Variants in NOTCH2 observed in about 807,000 individuals in gnomAD.
The protein encoded by NOTCH2 is notch receptor 2.
In NOTCH2, 29 loss-of-function variants were observed where a neutral mutation model predicts 235.8. The observed-to-expected ratio is 0.12, with a 90% confidence interval of 0.09 to 0.17. The LOEUF (loss-of-function observed/expected upper bound fraction) is 0.17, where lower values mean the gene tolerates loss of function less well. Ranked by LOEUF, NOTCH2 falls within the 10% of genes least tolerant of loss-of-function variation. NOTCH2 has a pLI of 1.00. For synonymous variants in NOTCH2, 1,086 were observed against 1,141.5 expected (o/e 0.95, Z 0.98); for missense variants, 2,285 against 3,150.2 (o/e 0.73, Z 6.57).
At chr1:119,987,117 CT>C in intron 4 of NOTCH2, 35 bp from the exon 5 acceptor site, 1 of 1,612,554 alleles carries the variant, frequency 6.2e-7, no homozygotes, top group South Asian at 1.1e-5. Flanking sequence ...ATGATGAAAT[CT>C]CATACAGAAG....
intron 17 of NOTCH2, among the ~76,000 whole-genome samples, chr1:119,942,338 G>A (rs587717344): frequency 1.3e-5 from 2 of 152,164 alleles, no homozygotes; most frequent in South Asian, 2.1e-4. Flanking sequence ...GTCATGCCAC[G>A]GCACTCTACA....
rs1239252760 is a variant in NOTCH2 at position 119,997,973 on chromosome 1, C to A, written c.416-641G>T. 1.0e-3 allele frequency among the ~76,000 whole-genome samples: 122 copies of A among 117,424 alleles called. No homozygotes were observed. The East Asian group carries it at 0.019, about 18-fold the overall frequency. 77.0% of individuals were successfully genotyped at this position (117,424 alleles called of 152,430 possible). The stretch of plus-strand genomic sequence containing the variant: ...TGGGCGACACAGCAAGACTCTATTT[C>A]AAAAAAAAAAAAAAAAAAATCAACT... On this transcript the variant is annotated intron_variant, in intron 3 of 33. Transcript: ENST00000256646.
In NOTCH2 at chr1:119,940,755, A is replaced by G; in HGVS notation, c.2983T>C (p.Ser995Pro). The G allele has an allele frequency of 6.2e-7, 1 of 1,614,014 alleles. No homozygotes were observed. Among genetic ancestry groups the G allele is most frequent in the South Asian group, 1.1e-5 (1 of 91,076 alleles). Reference protein sequence around the residue: ...ENNINECTESSCFNGGTCVDG... With the variant: ...ENNINECTESPCFNGGTCVDG... ...ACACATGTGCCACCATTGAAACAGG[A>G]GCTAAGAAGCAAACAGAGCAACATC... The change falls in exon 19 of 34, where the codon TCC becomes CCC. Residue 995 changes from serine to proline, a missense_variant and splice_region_variant. Ser to Pro is a moderately conservative substitution (Grantham distance 74, BLOSUM62 -1). Around this residue, in one of 6 missense-constraint regions of NOTCH2, gnomAD observed 1,173 missense variants for 1,515.3 expected, o/e 0.77. Transcript: ENST00000256646.
At chr1:119,949,225 T>C (rs1553197434) in intron 15 of NOTCH2, 99 bp from the exon 16 acceptor site, 1 of 1,246,124 alleles carries the variant, frequency 8.0e-7, no homozygotes, top group African/African-American at 1.5e-5. Flanking sequence ...TCAAAAGTCC[T>C]GATTAAGAGG....
At chr1:119,951,848 T>C (rs1650486916) in intron 14 of NOTCH2, among the ~76,000 whole-genome samples, 1 of 152,218 alleles carries the variant, frequency 6.6e-6, no homozygotes, top group African/African-American at 2.4e-5. Flanking sequence ...GGGCATATAA[T>C]TTGGGATTTT....
chr1:120,000,146 C>T (rs1652690386), intron 3 of NOTCH2, among the ~76,000 whole-genome samples: 2 of 151,918 alleles, frequency 1.3e-5, no homozygotes, highest in African/African-American at 4.8e-5. Flanking sequence ...AGCTAGTAAG[C>T]TGACTGAGGT....
chr1:120,028,337 C>T (rs1653951183), intron 2 of NOTCH2, among the ~76,000 whole-genome samples: 1 of 139,948 alleles, frequency 7.1e-6, no homozygotes, highest in Non-Finnish European at 1.6e-5. Context: ...GCACCAAATG[C>T]CACAAAAAGA....
At chr1:119,931,004 G>A (rs782220852) in intron 22 of NOTCH2, among the ~76,000 whole-genome samples, 26 of 150,582 alleles carry the variant, frequency 1.7e-4, no homozygotes, top group Non-Finnish European at 2.9e-4. Context: ...TCGGGAGGCT[G>A]AGGCAGGAGA....
At chr1:119,937,551 A>C in intron 20 of NOTCH2, 85 bp from the exon 21 acceptor site, 1 of 1,247,812 alleles carries the variant, frequency 8.0e-7, no homozygotes, top group Non-Finnish European at 1.1e-6. Flanking sequence ...GTAAATCTAA[A>C]CTGGCTGACA....
chr1:119,963,741 T>G lies in NOTCH2; in HGVS notation c.1748A>C (p.Gln583Pro). 1 of 1,614,154 alleles carries G rather than the reference T, an allele frequency of 6.2e-7. No individual in the cohort carries two copies. The highest frequency in any genetic ancestry group is 8.5e-7 in the Non-Finnish European group (1 of 1,179,996). ...GTAGGAATCAATACCATCCTGACAC[T>G]GACCATGGTGGCAAGGATCGGGGTC... Reference protein sequence around the residue: ...NCDPDPCHHGQCQDGIDSYTC... With the variant: ...NCDPDPCHHGPCQDGIDSYTC... The change falls in exon 11 of 34, where the codon CAG becomes CCG. Residue 583 changes from glutamine to proline, a missense_variant. Around this residue, in one of 6 missense-constraint regions of NOTCH2, gnomAD observed 431 missense variants for 757.8 expected, o/e 0.57. Coordinates refer to ENST00000256646, the MANE Select transcript of NOTCH2 (RefSeq NM_024408.4).
Position 119,929,220 on chromosome 1 carries a change from A to G in NOTCH2, c.3656-8T>C, listed in dbSNP as rs1466379886. The G allele has an allele frequency of 3.7e-6, 6 of 1,606,410 alleles. No homozygotes were observed. Among genetic ancestry groups the G allele is most frequent in the Non-Finnish European group, 5.1e-6 (6 of 1,173,008 alleles). Reference sequence around the variant, plus strand: ...TCTCTTCACAGAGTAGGCCTGGAGGAAAGAGAAGAGGTACAGAATTATGAA... The same window carrying G: ...TCTCTTCACAGAGTAGGCCTGGAGGGAAGAGAAGAGGTACAGAATTATGAA... On this transcript the variant is annotated splice_polypyrimidine_tract_variant and splice_region_variant and intron_variant, in intron 22 of 33. Coordinates refer to ENST00000256646, the MANE Select transcript of NOTCH2 (RefSeq NM_024408.4).
intron 20 of NOTCH2, 30 bp downstream of exon 20, chr1:119,937,827 A>G: frequency 6.2e-7 from 1 of 1,613,616 alleles, no homozygotes; most frequent in Non-Finnish European, 8.5e-7. Context: ...ACTGCAGTGA[A>G]TGACCTGAGC....
intron 15 of NOTCH2, among the ~76,000 whole-genome samples, chr1:119,949,563 T>G (rs1323176839): frequency 1.3e-5 from 2 of 151,790 alleles, no homozygotes; most frequent in Non-Finnish European, 2.9e-5. Flanking sequence ...ATTTTTTATA[T>G]TTTTAGTAGA....
chr1:119,926,727 C>T, intron 23 of NOTCH2, 116 bp from the exon 24 acceptor site: 1 of 786,322 alleles, frequency 1.3e-6, no homozygotes, highest in Non-Finnish European at 2.2e-6. Flanking sequence ...TGAGAGAGTT[C>T]AGTTCTAGGC....
At chr1:119,941,490 C>T (rs781947517) in intron 18 of NOTCH2, 36 bp downstream of exon 18, 50 of 1,455,430 alleles carry the variant, frequency 3.4e-5, no homozygotes, top group East Asian at 4.5e-5. Context: ...CCCTTTCTCT[C>T]GTAAGATGCT....
rs1655679519 is a variant in NOTCH2, at chr1:120,069,482, G to A, written c.-76C>T. On this transcript the variant is annotated 5_prime_UTR_variant, in exon 1 of 34. Coordinates refer to ENST00000256646, the MANE Select transcript of NOTCH2 (RefSeq NM_024408.4). ...CACATGGGGAGGGGGTCCCGATAGA[G>A]GAGCCCCACTCTCTCCTCCCCTCCT... The A allele has an allele frequency of 3.3e-6, 5 of 1,494,072 alleles. No homozygotes were observed. Among genetic ancestry groups the A allele is most frequent in the Non-Finnish European group, 4.4e-6 (5 of 1,132,150 alleles). The allele number at this position is 1,494,072 out of a possible 1,614,324, so 92.6% of individuals were successfully genotyped here. A position where few individuals can be genotyped will look rare whatever the true frequency, so the allele number is the denominator to read the frequency against.
intron 19 of NOTCH2, among the ~76,000 whole-genome samples, chr1:119,938,805 C>T (rs1182371251): frequency 7.9e-5 from 12 of 152,016 alleles, no homozygotes; most frequent in Non-Finnish European, 1.3e-4. Flanking sequence ...CTCAGCCTCC[C>T]GAGTAGCTGG....
chr1:119,987,250 T>C (rs1405880618), intron 4 of NOTCH2, among the ~76,000 whole-genome samples, 168 bp from the exon 5 acceptor site: 2 of 152,196 alleles, frequency 1.3e-5, no homozygotes, highest in African/African-American at 4.8e-5. Flanking sequence ...CTGTCTTCTC[T>C]GGCCTCAAGC....
chr1:120,068,882 C>G, intron 1 of NOTCH2: 1 of 679,554 alleles, frequency 1.5e-6, no homozygotes, highest in Non-Finnish European at 2.2e-6. Flanking sequence ...CTGGCTGCGA[C>G]GGTGCAGGCC....
Sources: allele counts gnomAD v4.1 joint callset (sites outside exome capture counted in the v4.1 genomes callset), GRCh38; gene constraint gnomAD v4.1.1; regional missense constraint gnomAD v4.1.1; transcripts MANE v1.5; gene names NCBI Gene and HGNC (gene_info 2026-07-23, HGNC 2026-07-21).